Variants in ASIC2 observed in about 807,000 individuals in gnomAD.
ASIC2 encodes acid-sensing ion channel 2.
In ASIC2, 25 loss-of-function variants were observed where a neutral mutation model predicts 57.3. That is an observed-to-expected ratio of 0.44 (90% CI 0.32 to 0.61). ASIC2 has a LOEUF of 0.61. ASIC2 is among the 20% of genes least tolerant of loss of function. The probability of loss-of-function intolerance (pLI) is 0.06; values close to 1 mark genes in which losing one functional copy is unlikely to be tolerated. For missense variants in ASIC2, 641 were observed against 738.1 expected, an observed-to-expected ratio of 0.87 and a Z score of 1.52; for synonymous variants, 319 against 307.5, an observed-to-expected ratio of 1.04 and a Z score of -0.39.
At chr17:33,403,294 A>T (rs1041328972) in intron 1 of ASIC2, among the ~76,000 whole-genome samples, 3 of 121,958 alleles carry the variant, frequency 2.5e-5, no homozygotes, top group African/African-American at 9.1e-5. Flanking sequence ...GAAGATTTAG[A>T]GGTGGGCACA....
At chr17:33,025,097 T>A (rs2141900300) in intron 5 of ASIC2, among the ~76,000 whole-genome samples, 1 of 152,244 alleles carries the variant, frequency 6.6e-6, no homozygotes, top group East Asian at 1.9e-4. Flanking sequence ...CCTCCCTCTC[T>A]AGTCCTCCTG....
rs183537199 is a variant in ASIC2, at chr17:33,865,285, C to T, written c.555+290693G>A. Among the ~76,000 whole-genome samples, 263 of 152,308 alleles carry T rather than the reference C, an allele frequency of 1.7e-3. 3 individuals are homozygous for T. Among genetic ancestry groups the T allele is most frequent in the African/African-American group, 6.1e-3 (254 of 41,572 alleles). ...GTGAATTGTAAGCCACATTTTGTTC[C>T]ATTTCCATTGGGCGGATCAACCCAG... On this transcript the variant is annotated intron_variant, in intron 1 of 9. Transcript: ENST00000359872.
intron 1 of ASIC2, among the ~76,000 whole-genome samples, chr17:33,557,840 G>C (rs1177630520): frequency 6.6e-6 from 1 of 151,998 alleles, no homozygotes; most frequent in Non-Finnish European, 1.5e-5. Context: ...ATCTCCAGAG[G>C]CATAGCTACC....
chr17:33,581,786 C>T (rs1046801624), intron 1 of ASIC2, among the ~76,000 whole-genome samples: 2 of 152,180 alleles, frequency 1.3e-5, no homozygotes, highest in Admixed American at 6.5e-5. Flanking sequence ...CTCGGCCCAT[C>T]GAAGGCACTC....
intron 1 of ASIC2, among the ~76,000 whole-genome samples, chr17:33,155,374 T>C (rs980370131): frequency 2.0e-5 from 3 of 152,358 alleles, no homozygotes; most frequent in African/African-American, 7.2e-5. Flanking sequence ...AAACTGAGCA[T>C]CTGTGCAGGG....
chr17:33,150,061 A>G (rs1249036244), intron 1 of ASIC2, among the ~76,000 whole-genome samples: 1 of 152,232 alleles, frequency 6.6e-6, no homozygotes, highest in Non-Finnish European at 1.5e-5. Flanking sequence ...GCTCTCAGGT[A>G]TTAATGAATT....
intron 1 of ASIC2, among the ~76,000 whole-genome samples, chr17:33,201,553 C>T (rs530250001): frequency 1.3e-5 from 2 of 152,282 alleles, no homozygotes; most frequent in Middle Eastern, 6.8e-3. Context: ...TAGAAGTTAC[C>T]ACCCCTTTTC....
In ASIC2 at chr17:33,470,466, A is replaced by G. The variant is rs146300922; in HGVS notation, c.556-358399T>C. 6.8e-5 allele frequency among the ~76,000 whole-genome samples: 10 copies of G among 147,436 alleles called. No homozygotes were observed. The East Asian group carries it at 2.0e-3, about 29-fold the overall frequency. ...TTCCTCGCTTTAGCAGGCTTAAAAA[A>G]TCTCCTGGAGATCTTGTTAAAATAC... On this transcript the variant is annotated intron_variant, in intron 1 of 9. Coordinates refer to the ASIC2 transcript ENST00000359872.
intron 1 of ASIC2, among the ~76,000 whole-genome samples, chr17:33,474,419 G>C (rs1913153041): frequency 6.6e-6 from 1 of 152,166 alleles, no homozygotes; most frequent in Non-Finnish European, 1.5e-5. Context: ...TAAGAGTAAG[G>C]TAATTTAAGC....
intron 1 of ASIC2, chr17:33,816,827 C>A (rs1268255953): frequency 6.6e-6 from 1 of 152,242 alleles, no homozygotes; most frequent in African/African-American, 2.4e-5. Flanking sequence ...TGGGGCCTTT[C>A]CCAGTCCCCA....
chr17:33,292,532 C>T lies in ASIC2; in HGVS notation c.-417G>A. On this transcript the variant is annotated 5_prime_UTR_variant, in exon 1 of 10. Coordinates refer to ENST00000225823, the MANE Select transcript of ASIC2 (RefSeq NM_183377.2). The stretch of plus-strand genomic sequence containing the variant: ...CCTGAGCCGAGTCCCCCCTGCCCCG[C>T]CTAACCCCAGCTTTTACGCTGGTCC... The T allele has an allele frequency of 2.0e-6, 2 of 985,862 alleles. No individual in the cohort carries two copies. Among genetic ancestry groups the T allele is most frequent in the African/African-American group, 1.7e-5 (1 of 57,376 alleles). 61.1% of individuals were successfully genotyped at this position (985,862 alleles called of 1,614,324 possible). A position where few individuals can be genotyped will look rare whatever the true frequency, so the allele number is the denominator to read the frequency against.
chr17:33,076,581 C>T (rs1466845566), intron 3 of ASIC2, among the ~76,000 whole-genome samples: 1 of 152,224 alleles, frequency 6.6e-6, no homozygotes, highest in African/African-American at 2.4e-5. Context: ...GTAGGCACCA[C>T]TCTAGACTTT....
intron 2 of ASIC2, among the ~76,000 whole-genome samples, chr17:33,093,431 A>T (rs2092165430): frequency 7.0e-6 from 1 of 143,368 alleles, no homozygotes; most frequent in East Asian, 1.9e-4. Flanking sequence ...GGACAGAAAG[A>T]GAGAGAGAGA....
At chr17:33,231,591 G>A (rs1812488678) in intron 1 of ASIC2, among the ~76,000 whole-genome samples, 1 of 152,092 alleles carries the variant, frequency 6.6e-6, no homozygotes, top group Admixed American at 6.5e-5. Context: ...GGCCCTCACT[G>A]CTGATCCCCA....
At chr17:33,869,829 A>C (rs1914343023) in intron 1 of ASIC2, among the ~76,000 whole-genome samples, 1 of 152,250 alleles carries the variant, frequency 6.6e-6, no homozygotes, top group African/African-American at 2.4e-5. Context: ...TAATAGTTGC[A>C]CAACTCTGTG....
At chr17:33,076,448 A>C (rs999949246) in intron 3 of ASIC2, among the ~76,000 whole-genome samples, 5 of 152,220 alleles carry the variant, frequency 3.3e-5, no homozygotes, top group African/African-American at 1.2e-4. Context: ...ATCCTTAAAA[A>C]CTGCACAATT....
chr17:33,443,046 T>A (rs1277425586), intron 1 of ASIC2, among the ~76,000 whole-genome samples: 1 of 152,230 alleles, frequency 6.6e-6, no homozygotes, highest in African/African-American at 2.4e-5. Context: ...TGGTTTTTGA[T>A]ATTTCTTCTA....
intron 1 of ASIC2, among the ~76,000 whole-genome samples, chr17:33,571,026 G>A (rs1284161624): frequency 2.0e-5 from 3 of 152,160 alleles, no homozygotes; most frequent in Non-Finnish European, 4.4e-5. Context: ...TTTGATGGGA[G>A]GAGATCTAAA....
intron 1 of ASIC2, among the ~76,000 whole-genome samples, chr17:34,036,356 A>C (rs528983600): frequency 8.6e-6 from 1 of 116,888 alleles, no homozygotes; most frequent in Non-Finnish European, 1.6e-5. Flanking sequence ...AGAACATCAC[A>C]CTCTGGGGAC....
Sources: allele counts gnomAD v4.1 joint callset (sites outside exome capture counted in the v4.1 genomes callset), GRCh38; gene constraint gnomAD v4.1.1; transcripts MANE v1.5; gene names NCBI Gene and HGNC (gene_info 2026-07-23, HGNC 2026-07-21).